The following PHLPP1 variants were observed in gnomAD, a reference collection of about 807,000 sequenced individuals.
PHLPP1 encodes PH domain leucine-rich repeat-containing protein phosphatase 1.
PHLPP1 carries 42 observed loss-of-function variants against 117.2 expected under a neutral mutation model. That is an observed-to-expected ratio of 0.36 (90% confidence interval 0.28 to 0.46). PHLPP1 has a LOEUF of 0.46. PHLPP1 is among the 20% of genes least tolerant of loss of function. The pLI, the probability that PHLPP1 is intolerant of heterozygous loss-of-function variation, is 1.00. For missense variants in PHLPP1, 2,084 were observed against 2,241.9 expected (o/e 0.93, Z 1.42); for synonymous variants, 1,042 against 970.7 (o/e 1.07, Z -1.37).
intron 4 of PHLPP1, among the ~76,000 whole-genome samples, chr18:62,894,230 C>T (rs2144397728): frequency 6.6e-6 from 1 of 152,322 alleles, no homozygotes; most frequent in East Asian, 1.9e-4. Flanking sequence ...GAGTGTCACT[C>T]TGTCGCCCAG....
In PHLPP1 at chr18:62,715,954, G is replaced by A; in HGVS notation, c.271G>A (p.Gly91Arg). 2 of 1,195,026 alleles carry A rather than the reference G, an allele frequency of 1.7e-6. No individual in the cohort carries two copies. The highest frequency in any genetic ancestry group is 2.1e-6 in the Non-Finnish European group (2 of 964,120). The allele number at this position is 1,195,026 out of a possible 1,614,324, so 74.0% of individuals were successfully genotyped here. A position where few individuals can be genotyped will look rare whatever the true frequency, so the allele number is the denominator to read the frequency against. The stretch of plus-strand genomic sequence containing the variant: ...GCTGCCGGGCAGAGCGGGGGGTGCC[G>A]GGCGCAGGAGGCGGCGCGGGGCGCC... Reference protein sequence around the residue: ...GPLPGRAGGAGRRRRRGAPQP... With the variant: ...GPLPGRAGGARRRRRRGAPQP... The change falls in exon 1 of 17, where the codon GGG becomes AGG. Residue 91 changes from glycine to arginine, a missense_variant. By Grantham distance (125) the Gly-to-Arg change is moderately radical. Coordinates refer to ENST00000262719, the MANE Select transcript of PHLPP1 (RefSeq NM_194449.4).
At chr18:62,890,704 G>GACCT (rs1302177219) in intron 4 of PHLPP1, among the ~76,000 whole-genome samples, 2 of 152,100 alleles carry the variant, frequency 1.3e-5, no homozygotes, top group Non-Finnish European at 2.9e-5. Flanking sequence ...CCACATTATT[G>GACCT]ACCTATACTT....
chr18:62,837,037 A>G (rs1023265148), intron 2 of PHLPP1, among the ~76,000 whole-genome samples: 2 of 152,206 alleles, frequency 1.3e-5, no homozygotes, highest in Non-Finnish European at 2.9e-5. Context: ...GTTGGAGTGC[A>G]GTGGTATAGT....
intron 1 of PHLPP1, among the ~76,000 whole-genome samples, chr18:62,805,274 C>A (rs900205873): frequency 7.0e-6 from 1 of 142,038 alleles, no homozygotes; most frequent in Non-Finnish European, 1.6e-5. Flanking sequence ...ATAGGTTATA[C>A]ATATACAGTA....
intron 1 of PHLPP1, among the ~76,000 whole-genome samples, chr18:62,722,742 A>G (rs1568093899): frequency 6.6e-6 from 1 of 152,250 alleles, no homozygotes; most frequent in Admixed American, 6.5e-5. Flanking sequence ...CTGGATTTGT[A>G]TGAAACTTCA....
At chr18:62,934,156 T>G (rs1310515314) in intron 10 of PHLPP1, among the ~76,000 whole-genome samples, 2 of 152,198 alleles carry the variant, frequency 1.3e-5, no homozygotes, top group African/African-American at 4.8e-5. Flanking sequence ...GAAAACAGTA[T>G]GAAGATTTCT....
chr18:62,972,161 G>A (rs1003479778), intron 14 of PHLPP1, among the ~76,000 whole-genome samples: 1 of 152,236 alleles, frequency 6.6e-6, no homozygotes, highest in Non-Finnish European at 1.5e-5. Flanking sequence ...TTGGCTGGAT[G>A]TGGAGATTGT....
At chr18:62,784,052 G>A (rs898607297) in intron 1 of PHLPP1, among the ~76,000 whole-genome samples, 1 of 152,192 alleles carries the variant, frequency 6.6e-6, no homozygotes, top group Non-Finnish European at 1.5e-5. Context: ...CCAAGGTTGT[G>A]CATTTTTAAG....
At chr18:62,832,884 C>G (rs1474415624) in intron 2 of PHLPP1, among the ~76,000 whole-genome samples, 1 of 151,884 alleles carries the variant, frequency 6.6e-6, no homozygotes, top group Non-Finnish European at 1.5e-5. Context: ...TGGTCATAAC[C>G]TAGTTAGAAT....
chr18:62,773,036 A>G (rs1912842614), intron 1 of PHLPP1, among the ~76,000 whole-genome samples: 1 of 151,954 alleles, frequency 6.6e-6, no homozygotes, highest in African/African-American at 2.4e-5. Context: ...TGTAAGCAGT[A>G]TGTGATGTTC....
intron 1 of PHLPP1, among the ~76,000 whole-genome samples, chr18:62,813,998 G>A (rs1052308184): frequency 2.6e-5 from 4 of 151,788 alleles, no homozygotes; most frequent in Admixed American, 6.6e-5. Context: ...TATGTTTGCA[G>A]AATCTTTAGA....
At chr18:62,901,173 A>C (rs1285473473) in intron 6 of PHLPP1, among the ~76,000 whole-genome samples, 1 of 152,326 alleles carries the variant, frequency 6.6e-6, no homozygotes, top group Non-Finnish European at 1.5e-5. Context: ...GGCTCTTTCA[A>C]GTGAAGATGA....
chr18:62,772,850 G>A lies in PHLPP1; in HGVS notation c.1576+55591G>A, dbSNP rs1010599823. On this transcript the variant is annotated intron_variant, in intron 1 of 16. Coordinates refer to ENST00000262719, the MANE Select transcript of PHLPP1 (RefSeq NM_194449.4). ...TTTCTCAAAAAAAAAAAAAAAAAAAGATTTTCTCTTTCTTTTTGTTCTTTG... is the reference window on the plus strand; with the variant it reads ...TTTCTCAAAAAAAAAAAAAAAAAAAAATTTTCTCTTTCTTTTTGTTCTTTG... Among the ~76,000 whole-genome samples the A allele has an allele frequency of 5.3e-3, 621 of 117,786 alleles. 1 individual carries two copies. Among genetic ancestry groups the A allele is most frequent in the African/African-American group, 0.018 (420 of 23,936 alleles). The allele number at this position is 117,786 out of a possible 152,430, so 77.3% of individuals were successfully genotyped here.
chr18:62,750,281 T>C (rs943725536), intron 1 of PHLPP1, among the ~76,000 whole-genome samples: 1 of 152,202 alleles, frequency 6.6e-6, no homozygotes, highest in African/African-American at 2.4e-5. Flanking sequence ...ATGTGTTCAC[T>C]GGAGATACAT....
intron 1 of PHLPP1, among the ~76,000 whole-genome samples, chr18:62,803,152 G>A (rs1353047948): frequency 6.6e-6 from 1 of 152,036 alleles, no homozygotes; most frequent in Non-Finnish European, 1.5e-5. Context: ...TATGTTAAGG[G>A]TTCATATTGG....
At chr18:62,917,245 CA>C (rs1419800231) in intron 9 of PHLPP1, among the ~76,000 whole-genome samples, 1 of 149,420 alleles carries the variant, frequency 6.7e-6, no homozygotes, top group East Asian at 1.9e-4. Flanking sequence ...CAAACAAATT[CA>C]AGATAACTGA....
At chr18:62,806,352 A>C (rs1361181802) in intron 1 of PHLPP1, among the ~76,000 whole-genome samples, 1 of 152,214 alleles carries the variant, frequency 6.6e-6, no homozygotes, top group Non-Finnish European at 1.5e-5. Flanking sequence ...GAAGGAAAGG[A>C]AACATTCTCT....
intron 12 of PHLPP1, among the ~76,000 whole-genome samples, chr18:62,954,181 T>C (rs1037713843): frequency 6.6e-6 from 1 of 152,222 alleles, no homozygotes; most frequent in African/African-American, 2.4e-5. Context: ...ATGAGTTATC[T>C]CACTTTTTCT....
intron 1 of PHLPP1, among the ~76,000 whole-genome samples, chr18:62,758,635 CTTG>C (rs1912108423): frequency 6.6e-6 from 1 of 152,176 alleles, no homozygotes; most frequent in Non-Finnish European, 1.5e-5. Flanking sequence ...GATGTGACAT[CTTG>C]TTAAGTTTGT....
Sources: allele counts gnomAD v4.1 joint callset (sites outside exome capture counted in the v4.1 genomes callset), GRCh38; gene constraint gnomAD v4.1.1; transcripts MANE v1.5; gene names NCBI Gene and HGNC (gene_info 2026-07-23, HGNC 2026-07-21).